NELL1: variants seen among roughly 807,000 people sequenced by gnomAD.
NELL1 encodes the protein neural EGFL like 1.
Under a neutral mutation model 107.4 loss-of-function variants are expected in NELL1, and 76 were observed. The observed-to-expected ratio is 0.71, with a 90% CI of 0.59 to 0.86. The LOEUF (loss-of-function observed/expected upper bound fraction) is 0.86. Ranked by LOEUF, NELL1 falls within the 40% of genes least tolerant of loss-of-function variation. The pLI is 0.00. For synonymous variants in NELL1, 353 were observed against 341.2 expected (o/e 1.03, Z -0.38); for missense variants, 1,024 against 1,005.5 (o/e 1.02, Z -0.25).
intron 2 of NELL1, among the ~76,000 whole-genome samples, chr11:20,704,814 G>A (rs988831787): frequency 6.6e-6 from 1 of 150,888 alleles, no homozygotes; most frequent in Non-Finnish European, 1.5e-5. Flanking sequence ...CTTTAAGAAT[G>A]TCAAGATACA....
rs114893158 is a variant in NELL1, at chr11:21,074,844, A to G, written c.1301-38745A>G. On this transcript the variant is annotated intron_variant, in intron 12 of 19. Coordinates refer to ENST00000357134, the MANE Select transcript of NELL1 (RefSeq NM_006157.5). Reference sequence around the variant, plus strand: ...GGCTCTTATATACTCCCATTGGGAAACAAAGAGATCTGATTTTCAGTAGTG... The same window carrying G: ...GGCTCTTATATACTCCCATTGGGAAGCAAAGAGATCTGATTTTCAGTAGTG... Among the ~76,000 whole-genome samples, 342 of 152,316 alleles carry G rather than the reference A, an allele frequency of 2.2e-3. 1 individual carries two copies. The highest frequency in any genetic ancestry group is 7.6e-3 in the African/African-American group (315 of 41,570).
chr11:21,408,784 A>C (rs952123174), intron 15 of NELL1, among the ~76,000 whole-genome samples: 2 of 152,102 alleles, frequency 1.3e-5, no homozygotes, highest in African/African-American at 4.8e-5. Context: ...ATGAACAGAC[A>C]CTTCTCAGAA....
intron 14 of NELL1, among the ~76,000 whole-genome samples, chr11:21,332,358 T>G (rs763805136): frequency 5.3e-5 from 8 of 151,900 alleles, no homozygotes; most frequent in Non-Finnish European, 8.8e-5. Context: ...AATCATTGTC[T>G]CCTGATTGCA....
At chr11:20,981,323 A>T (rs895638001) in intron 12 of NELL1, among the ~76,000 whole-genome samples, 6 of 152,168 alleles carry the variant, frequency 3.9e-5, no homozygotes, top group African/African-American at 1.4e-4. Flanking sequence ...AAATAATTTT[A>T]GTAGGAATCA....
chr11:20,836,404 G>T (rs890694247), intron 3 of NELL1, among the ~76,000 whole-genome samples: 2 of 151,938 alleles, frequency 1.3e-5, no homozygotes, highest in African/African-American at 4.8e-5. Flanking sequence ...TTCTTACAAA[G>T]CTAAACATAG....
chr11:20,824,636 C>T (rs1363739801), intron 3 of NELL1, among the ~76,000 whole-genome samples: 1 of 151,256 alleles, frequency 6.6e-6, no homozygotes, highest in Non-Finnish European at 1.5e-5. Context: ...TGGTCTCAAA[C>T]AGAGATGAGG....
intron 10 of NELL1, among the ~76,000 whole-genome samples, chr11:20,943,529 G>A (rs1850900826): frequency 6.6e-6 from 1 of 152,002 alleles, no homozygotes; most frequent in Non-Finnish European, 1.5e-5. Context: ...GTGGCAGTGA[G>A]CTGAGATTGC....
At chr11:21,115,688 A>C (rs1855219129) in intron 13 of NELL1, among the ~76,000 whole-genome samples, 1 of 151,952 alleles carries the variant, frequency 6.6e-6, no homozygotes, top group Non-Finnish European at 1.5e-5. Flanking sequence ...CCCCTATTAG[A>C]ATGTAAGTTC....
At chr11:21,094,411 T>C (rs972657819) in intron 12 of NELL1, among the ~76,000 whole-genome samples, 14 of 152,208 alleles carry the variant, frequency 9.2e-5, no homozygotes, top group African/African-American at 3.4e-4. Flanking sequence ...GTGGATCTAC[T>C]GTTCTGGGGT....
At chr11:20,719,586 T>A (rs192147850) in intron 2 of NELL1, among the ~76,000 whole-genome samples, 73 of 152,358 alleles carry the variant, frequency 4.8e-4, no homozygotes, top group African/African-American at 1.7e-3. Flanking sequence ...TGGAAACAGA[T>A]CTCTAGTTCA....
chr11:21,354,924 CCTT>C (rs1311026568), intron 14 of NELL1, among the ~76,000 whole-genome samples: 1 of 151,478 alleles, frequency 6.6e-6, no homozygotes, highest in East Asian at 1.9e-4. Context: ...TAATAGGAAA[CCTT>C]CTGACCTTCT....
intron 3 of NELL1, among the ~76,000 whole-genome samples, chr11:20,824,917 A>C (rs1296549329): frequency 6.6e-6 from 1 of 151,430 alleles, no homozygotes; most frequent in Non-Finnish European, 1.5e-5. Context: ...AGTAACAAGC[A>C]GCCGAATGTT....
chr11:21,244,588 A>T (rs560116778), intron 14 of NELL1, among the ~76,000 whole-genome samples: 15 of 152,292 alleles, frequency 9.8e-5, no homozygotes, highest in Admixed American at 3.9e-4. Context: ...TTTGAATATG[A>T]CACTCTTGGA....
intron 15 of NELL1, among the ~76,000 whole-genome samples, chr11:21,512,744 A>G (rs542509039): frequency 6.6e-6 from 1 of 152,264 alleles, no homozygotes; most frequent in East Asian, 1.9e-4. Flanking sequence ...AAAGCCACAT[A>G]GGCAGTAAAG....
At position 21,150,286 on chromosome 11, in the gene NELL1, C is replaced by T. The variant is rs1032927078; in HGVS notation, c.1426+36572C>T. 1.2e-4 allele frequency among the ~76,000 whole-genome samples: 18 copies of T among 152,056 alleles called. No homozygotes were observed. In the East Asian group the frequency reaches 2.5e-3, roughly 21 times the overall value. ...GGTTGCACAGTTGTAAAGCATCCAC[C>T]GTATATTACTCAAAGTGCTGCTAAG... is the stretch of plus-strand genomic sequence containing the variant. On this transcript the variant is annotated intron_variant, in intron 13 of 19. Transcript: ENST00000357134.
intron 4 of NELL1, among the ~76,000 whole-genome samples, chr11:20,874,350 G>A (rs145235138): frequency 2.5e-4 from 38 of 152,328 alleles, no homozygotes; most frequent in African/African-American, 8.7e-4. Context: ...TTACAGGTAT[G>A]AGCCACCTCG....
chr11:20,835,243 T>C (rs1332938895), intron 3 of NELL1, among the ~76,000 whole-genome samples: 1 of 152,212 alleles, frequency 6.6e-6, no homozygotes, highest in African/African-American at 2.4e-5. Context: ...GATGTATTGT[T>C]GTCTATCTTT....
At chr11:20,907,760 C>T (rs1415232432) in intron 5 of NELL1, among the ~76,000 whole-genome samples, 1 of 152,126 alleles carries the variant, frequency 6.6e-6, no homozygotes, top group East Asian at 1.9e-4. Context: ...AAACTATCAT[C>T]AGAGTGAACA....
chr11:20,748,814 T>C (rs974920728), intron 2 of NELL1, among the ~76,000 whole-genome samples: 1 of 150,302 alleles, frequency 6.7e-6, no homozygotes, highest in Non-Finnish European at 1.5e-5. Flanking sequence ...CACTCATCAG[T>C]TGATGGGCAC....
Sources: gnomAD v4.1 joint callset for allele counts (sites outside exome capture counted in the v4.1 genomes callset) on GRCh38, gnomAD v4.1.1 for gene constraint, MANE v1.5 for transcripts, NCBI Gene and HGNC (gene_info 2026-07-23, HGNC 2026-07-21) for gene names.